The following KSR2 variants were observed in gnomAD, a reference collection of about 807,000 sequenced individuals.
KSR2 encodes kinase suppressor of ras 2.
A neutral mutation model predicts 107.8 loss-of-function variants in KSR2; 25 were observed. The observed-to-expected ratio is 0.23, with a 90% CI of 0.17 to 0.32. The LOEUF is 0.32. Among genes scored for constraint, KSR2 ranks in the 10% least tolerant of loss-of-function variants. The pLI, the probability that KSR2 is intolerant of heterozygous loss-of-function variation, is 1.00. For missense variants in KSR2, 887 were observed against 1,268.9 expected (o/e 0.70, Z 4.57); for synonymous variants, 480 against 507.0 (o/e 0.95, Z 0.71).
intron 1 of KSR2, among the ~76,000 whole-genome samples, chr12:117,942,944 A>G (rs1156779507): frequency 6.6e-6 from 1 of 152,208 alleles, no homozygotes. Flanking sequence ...GCTTTACCGT[A>G]TGCTGGAATG....
intron 4 of KSR2, among the ~76,000 whole-genome samples, chr12:117,705,880 C>G (rs561321006): frequency 6.6e-6 from 1 of 152,036 alleles, no homozygotes; most frequent in African/African-American, 2.4e-5. Context: ...TTCCCAGTAT[C>G]GTCACTCACC....
chr12:117,625,279 C>A (rs557377823), intron 5 of KSR2, among the ~76,000 whole-genome samples: 37 of 152,270 alleles, frequency 2.4e-4, no homozygotes, highest in African/African-American at 8.2e-4. Flanking sequence ...CTGACTTGTG[C>A]CAGTTTTCAA....
chr12:117,880,238 T>C (rs1046566263), intron 1 of KSR2, among the ~76,000 whole-genome samples: 1 of 152,242 alleles, frequency 6.6e-6, no homozygotes, highest in South Asian at 2.1e-4. Flanking sequence ...TTTGCTTTAA[T>C]AAATTAAATA....
chr12:117,894,953 G>A (rs576139815), intron 1 of KSR2, among the ~76,000 whole-genome samples: 245 of 151,942 alleles, frequency 1.6e-3, no homozygotes, highest in Non-Finnish European at 3.0e-3. Context: ...AATATCCCGG[G>A]CTTCGTGGAG....
intron 3 of KSR2, among the ~76,000 whole-genome samples, chr12:117,766,844 T>C (rs1266897224): frequency 2.1e-5 from 3 of 140,390 alleles, no homozygotes; most frequent in Non-Finnish European, 3.0e-5. Flanking sequence ...TTTGGAGAAC[T>C]GCCAGTCGTT....
At chr12:117,830,654 G>C (rs1395267460) in intron 3 of KSR2, among the ~76,000 whole-genome samples, 1 of 152,154 alleles carries the variant, frequency 6.6e-6, no homozygotes, top group Non-Finnish European at 1.5e-5. Context: ...GATTTTCTCA[G>C]AATTCTATCA....
intron 3 of KSR2, among the ~76,000 whole-genome samples, chr12:117,830,199 C>T (rs2137110641): frequency 6.6e-6 from 1 of 151,892 alleles, no homozygotes; most frequent in South Asian, 2.1e-4. Context: ...ACCTAGGAGG[C>T]AGAGGTTGCA....
At chr12:117,777,619 T>C (rs1889741867) in intron 3 of KSR2, among the ~76,000 whole-genome samples, 1 of 152,188 alleles carries the variant, frequency 6.6e-6, no homozygotes, top group African/African-American at 2.4e-5. Context: ...ATAATGAGGA[T>C]CGACTGTTGT....
At chr12:117,862,730 T>TCC (rs1893348008) in intron 1 of KSR2, among the ~76,000 whole-genome samples, 1 of 105,740 alleles carries the variant, frequency 9.5e-6, no homozygotes, top group African/African-American at 5.3e-5. Flanking sequence ...TTCCCCCCCT[T>TCC]TTTTTTTTTT....
intron 1 of KSR2, among the ~76,000 whole-genome samples, chr12:117,906,937 T>G (rs904215780): frequency 2.0e-5 from 3 of 152,028 alleles, no homozygotes; most frequent in African/African-American, 7.2e-5. Flanking sequence ...GAGGATCGCT[T>G]GAACCCAGGG....
chr12:117,896,145 G>C (rs550198941), intron 1 of KSR2, among the ~76,000 whole-genome samples: 1 of 152,246 alleles, frequency 6.6e-6, no homozygotes, highest in South Asian at 2.1e-4. Flanking sequence ...CAAATGAATG[G>C]ATAAATAAAA....
At chr12:117,793,709 C>T (rs1191214010) in intron 3 of KSR2, among the ~76,000 whole-genome samples, 1 of 144,730 alleles carries the variant, frequency 6.9e-6, no homozygotes, top group South Asian at 2.3e-4. Context: ...CATGCACACA[C>T]CATGCACACT....
At chr12:117,871,058 A>C (rs1282859914) in intron 1 of KSR2, among the ~76,000 whole-genome samples, 2 of 152,202 alleles carry the variant, frequency 1.3e-5, no homozygotes, top group Non-Finnish European at 2.9e-5. Flanking sequence ...TGTAGCTGTC[A>C]GTTAACAGGG....
intron 3 of KSR2, among the ~76,000 whole-genome samples, chr12:117,853,657 AAG>A (rs754056594): frequency 6.6e-6 from 1 of 151,858 alleles, no homozygotes; most frequent in Non-Finnish European, 1.5e-5. Context: ...TTTTTTTTTA[AAG>A]AGAGAAAACT....
intron 4 of KSR2, among the ~76,000 whole-genome samples, chr12:117,697,312 C>T (rs866192255): frequency 2.0e-5 from 3 of 152,188 alleles, no homozygotes; most frequent in Admixed American, 2.0e-4. Flanking sequence ...CCTCCTCCAC[C>T]CCCAGAGGGC....
At chr12:117,960,797 CTTTT>C (rs57298583) in intron 1 of KSR2, among the ~76,000 whole-genome samples, 1 of 138,754 alleles carries the variant, frequency 7.2e-6, no homozygotes. Flanking sequence ...TTTCTTTTTC[CTTTT>C]TTTTTTTTTT....
At chr12:117,635,850 G>A (rs1366310848) in intron 5 of KSR2, among the ~76,000 whole-genome samples, 1 of 149,910 alleles carries the variant, frequency 6.7e-6, no homozygotes. Context: ...AGAGTGCAGT[G>A]GCGCGATCTC....
intron 5 of KSR2, among the ~76,000 whole-genome samples, chr12:117,619,707 A>G (rs1378230935): frequency 6.6e-6 from 1 of 151,520 alleles, no homozygotes; most frequent in Admixed American, 6.6e-5. Context: ...CAACACACAC[A>G]TATACAGTAT....
At position 117,568,328 on chromosome 12, in the gene KSR2, G is replaced by C. The variant is rs76899771; in HGVS notation, c.1326-9755C>G. On this transcript the variant is annotated intron_variant, in intron 7 of 19. Transcript: ENST00000339824. ...AAAGGATGATGGGAGCATGTGGCAG[G>C]CTGGGGGAGGGATGAGGAAAAGCTT... Among the ~76,000 whole-genome samples the C allele has an allele frequency of 6.9e-4, 105 of 152,302 alleles. 1 individual carries two copies. In the East Asian group the frequency reaches 0.017, roughly 25 times the overall value.
Sources: gnomAD v4.1 joint callset for allele counts (sites outside exome capture counted in the v4.1 genomes callset) on GRCh38, gnomAD v4.1.1 for gene constraint, MANE v1.5 for transcripts, NCBI Gene and HGNC (gene_info 2026-07-23, HGNC 2026-07-21) for gene names.